Variants in BANP observed in about 807,000 individuals in gnomAD.
The protein encoded by BANP is protein BANP.
In BANP, 11 loss-of-function variants were observed where a neutral mutation model predicts 68.1. That is an observed-to-expected ratio of 0.16 (90% CI 0.10 to 0.27). BANP has a LOEUF of 0.27. BANP is among the 10% of genes least tolerant of loss of function. BANP has a pLI of 1.00. For missense variants in BANP, 504 were observed against 722.7 expected, an observed-to-expected ratio of 0.70 and a Z score of 3.47; for synonymous variants, 329 against 303.2, an observed-to-expected ratio of 1.09 and a Z score of -0.88.
intron 11 of BANP, 94 bp downstream of exon 11, chr16:88,038,105 G>T (rs1350559798): frequency 7.5e-7 from 1 of 1,329,104 alleles, no homozygotes; most frequent in East Asian, 2.3e-5. Flanking sequence ...TGAGTGCCCT[G>T]GTCCCCATGT....
In BANP at chr16:87,957,967, G is replaced by C. The variant is rs2058427281; in HGVS notation, c.-69+6452G>C. Among the ~76,000 whole-genome samples the C allele has an allele frequency of 6.6e-6, 1 of 152,188 alleles. No individual in the cohort carries two copies. Among genetic ancestry groups the C allele is most frequent in the Non-Finnish European group, 1.5e-5 (1 of 68,040 alleles). On this transcript the variant is annotated intron_variant, in intron 1 of 13. Transcript: ENST00000682872. The surrounding 1 kb of genome is among the most constrained non-coding windows in gnomAD (Gnocchi z 4.3). Reference sequence around the variant, plus strand: ...CCTGAGCAGAGTGCTGCCGCTGCCAGTCTGCGTTTTCTGCCGAAATGCGTC... The same window carrying C: ...CCTGAGCAGAGTGCTGCCGCTGCCACTCTGCGTTTTCTGCCGAAATGCGTC...
chr16:87,975,003 G>A (rs2061758626), intron 1 of BANP, 45 bp from the exon 2 acceptor site: 3 of 868,220 alleles, frequency 3.5e-6, no homozygotes, highest in Non-Finnish European at 5.6e-6. Flanking sequence ...TTCACGTGTA[G>A]CGATGGTTAA....
chr16:87,996,586 C>T (rs1458121781), intron 4 of BANP, among the ~76,000 whole-genome samples: 1 of 148,168 alleles, frequency 6.7e-6, no homozygotes, highest in East Asian at 2.0e-4. Context: ...TTGCTGGGCC[C>T]TCGTCCTGGG....
intron 2 of BANP, 27 bp from the exon 3 acceptor site, chr16:87,981,009 A>G (rs1567649801): frequency 3.3e-6 from 5 of 1,525,500 alleles, no homozygotes; most frequent in South Asian, 1.1e-5. Flanking sequence ...CATGTTAAAC[A>G]TTTTTTTTCT....
At chr16:88,063,738 G>GT in intron 11 of BANP, among the ~76,000 whole-genome samples, 1 of 152,316 alleles carries the variant, frequency 6.6e-6, no homozygotes, top group East Asian at 1.9e-4. Flanking sequence ...CCGTGATGTT[G>GT]TTTCTGCCAG....
chr16:87,998,922 C>T (rs1458210874), intron 4 of BANP, among the ~76,000 whole-genome samples: 1 of 2,970 alleles, frequency 3.4e-4, no homozygotes. Context: ...AGACACGTCT[C>T]CATGCACGTG....
In BANP at chr16:88,076,889, C is replaced by T; in HGVS notation, c.*228C>T. ...TTGAGTCCTGCTGTTGGTGTCGGAG[C>T]ACGAGGGGAGGCACGGTGCGGAGAG... is the stretch of plus-strand genomic sequence containing the variant. On this transcript the variant is annotated 3_prime_UTR_variant, in exon 14 of 14. Transcript: ENST00000682872. 1.9e-6 allele frequency: 1 copy of T among 538,696 alleles called. No individual in the cohort carries two copies. The highest frequency in any genetic ancestry group is 3.3e-6 in the Non-Finnish European group (1 of 305,400). 33.4% of individuals were successfully genotyped at this position (538,696 alleles called of 1,614,324 possible).
At chr16:88,073,483 G>T (rs762288631) in intron 13 of BANP, among the ~76,000 whole-genome samples, 1 of 152,228 alleles carries the variant, frequency 6.6e-6, no homozygotes, top group African/African-American at 2.4e-5. Context: ...CCACATTGTC[G>T]CCGACCTCAC....
chr16:87,977,253 CA>C lies in BANP; in HGVS notation c.70+2075del, dbSNP rs1178776152. 2.6e-5 allele frequency among the ~76,000 whole-genome samples: 4 copies of C among 152,108 alleles called. No homozygotes were observed. The East Asian group carries it at 7.7e-4, about 29-fold the overall frequency. ...CACGGTGAAGTCTCTACTTAAAATA[CA>C]AAAAAATACAAAAAATTAGCCGGGC... On this transcript the variant is annotated intron_variant, in intron 2 of 13. Coordinates refer to ENST00000682872, the MANE Select transcript of BANP (RefSeq NM_001386991.1).
rs767312535 is a variant in BANP, at chr16:88,005,433, AG to A, written c.480-655del. ...GCTGGTGCGTAGCAGTCCACGGTAG[AG>A]GATGTTGAAAGGGTCACTAAAAAAG... On this transcript the variant is annotated intron_variant, in intron 5 of 13. Coordinates refer to ENST00000682872, the MANE Select transcript of BANP (RefSeq NM_001386991.1). 3.0e-4 allele frequency among the ~76,000 whole-genome samples: 45 copies of A among 152,184 alleles called. 2 individuals are homozygous for A. Among genetic ancestry groups the A allele is most frequent in the Admixed American group, 2.0e-4 (3 of 15,280 alleles).
At chr16:88,035,641 A>G (rs1039380601) in intron 10 of BANP, among the ~76,000 whole-genome samples, 4 of 151,826 alleles carry the variant, frequency 2.6e-5, no homozygotes, top group African/African-American at 7.2e-5. Flanking sequence ...TCCTGGGTAG[A>G]TGTTTCTACT....
chr16:88,025,850 CT>C (rs1181310864), intron 7 of BANP, among the ~76,000 whole-genome samples: 2 of 152,154 alleles, frequency 1.3e-5, no homozygotes, highest in Non-Finnish European at 2.9e-5. Context: ...TCAGCTTAAT[CT>C]TTTTATTACT....
chr16:87,969,965 T>A (rs903854821), intron 1 of BANP: 1 of 147,222 alleles, frequency 6.8e-6, no homozygotes, highest in Non-Finnish European at 1.5e-5. Flanking sequence ...TGGAGTGCAG[T>A]GGCACGGTCT....
At chr16:88,033,032 G>A (rs1483915712) in intron 8 of BANP, 77 bp from the exon 9 acceptor site, 57 of 1,418,316 alleles carry the variant, frequency 4.0e-5, no homozygotes, top group East Asian at 4.8e-5. Context: ...AGTGGGGGAC[G>A]GGGGTGCACA....
chr16:87,962,419 AT>A (rs954961668), intron 1 of BANP, among the ~76,000 whole-genome samples: 24 of 152,138 alleles, frequency 1.6e-4, no homozygotes, highest in Non-Finnish European at 3.4e-4. Flanking sequence ...AATTTCAAAT[AT>A]GGTAAATATC....
At chr16:88,009,679 C>A (rs1230997591) in intron 6 of BANP, among the ~76,000 whole-genome samples, 1 of 152,054 alleles carries the variant, frequency 6.6e-6, no homozygotes, top group African/African-American at 2.4e-5. Context: ...AAGCATGGAA[C>A]AGTAGACTGT....
chr16:88,019,798 G>A (rs934879636), intron 7 of BANP, among the ~76,000 whole-genome samples: 1 of 152,150 alleles, frequency 6.6e-6, no homozygotes, highest in Non-Finnish European at 1.5e-5. Context: ...TGTGGCCCGT[G>A]AGCCTCTGTC....
At chr16:88,040,539 G>A (rs1347242829) in intron 11 of BANP, among the ~76,000 whole-genome samples, 11 of 137,832 alleles carry the variant, frequency 8.0e-5, no homozygotes, top group Non-Finnish European at 1.4e-4. Context: ...CCCCGTCCCC[G>A]TGCCTACAGA....
chr16:88,051,875 C>A (rs73252306), intron 11 of BANP, among the ~76,000 whole-genome samples: 3,042 of 152,246 alleles, frequency 0.02, 100 homozygotes, highest in African/African-American at 0.069. Flanking sequence ...AGATTTATGC[C>A]ATTTCTGTGG....
Sources: gnomAD v4.1 joint callset for allele counts (sites outside exome capture counted in the v4.1 genomes callset) on GRCh38, gnomAD v4.1.1 for gene constraint, Gnocchi (gnomAD v3.1) non-coding constraint, MANE v1.5 for transcripts, NCBI Gene and HGNC (gene_info 2026-07-23, HGNC 2026-07-21) for gene names.